PCDH15: variants seen among roughly 807,000 people sequenced by gnomAD.
PCDH15 encodes protocadherin-15.
Under a neutral mutation model 178.5 loss-of-function variants are expected in PCDH15, and 129 were observed. The ratio of observed to expected loss-of-function variants is 0.72; its 90% CI spans 0.63 to 0.84. PCDH15 has a LOEUF of 0.84. Ranked by LOEUF, PCDH15 falls within the 40% of genes least tolerant of loss-of-function variation. The probability of loss-of-function intolerance (pLI) is 0.00; values close to 1 mark genes in which losing one functional copy is unlikely to be tolerated. For synonymous variants in PCDH15, 800 were observed against 732.0 expected, an observed-to-expected ratio of 1.09 and a Z score of -1.50; for missense variants, 2,230 against 2,099.9, an observed-to-expected ratio of 1.06 and a Z score of -1.21.
Position 55,080,383 on chromosome 10 carries a change from C to A in PCDH15, c.-80+86193G>T, listed in dbSNP as rs1187797768. Among the ~76,000 whole-genome samples, 11 of 152,156 alleles carry A rather than the reference C, an allele frequency of 7.2e-5. No individual in the cohort carries two copies. The East Asian group carries it at 2.1e-3, about 30-fold the overall frequency. On this transcript the variant is annotated intron_variant, in intron 2 of 5. Transcript: ENST00000458638. ...ACCCCTTATGAGAATCTAACTAATG[C>A]CTGATGATCTGAGGTGGAAGAGTTT...
chr10:55,259,428 T>C (rs117782951), intron 1 of PCDH15, among the ~76,000 whole-genome samples: 2,970 of 152,274 alleles, frequency 0.02, 40 homozygotes, highest in Non-Finnish European at 0.032. Context: ...CAGGGAGTGG[T>C]TAACTATGCC....
At chr10:54,368,411 C>G (rs1947125640) in intron 5 of PCDH15, among the ~76,000 whole-genome samples, 1 of 151,620 alleles carries the variant, frequency 6.6e-6, no homozygotes, top group South Asian at 2.1e-4. Context: ...CTAACATACA[C>G]ATAATAGGTC....
intron 2 of PCDH15, among the ~76,000 whole-genome samples, chr10:54,626,640 G>C (rs4935527): frequency 0.51 from 77,338 of 152,032 alleles, 20,808 homozygotes; most frequent in Non-Finnish European, 0.6. Context: ...CCAGGCAGAA[G>C]TTTGCTGCAG....
chr10:55,146,066 AG>A (rs1838501635), intron 2 of PCDH15, among the ~76,000 whole-genome samples: 1 of 151,934 alleles, frequency 6.6e-6, no homozygotes. Context: ...CAGCTGATAG[AG>A]TAGGTTTTAC....
At chr10:54,846,935 T>C (rs767429419) in intron 3 of PCDH15, among the ~76,000 whole-genome samples, 1 of 152,220 alleles carries the variant, frequency 6.6e-6, no homozygotes, top group African/African-American at 2.4e-5. Flanking sequence ...GCACGTGTTG[T>C]ACATTACTTC....
intron 3 of PCDH15, among the ~76,000 whole-genome samples, chr10:54,891,742 A>T (rs1954465938): frequency 6.6e-6 from 1 of 152,150 alleles, no homozygotes; most frequent in African/African-American, 2.4e-5. Flanking sequence ...TTAGCAGAGA[A>T]TTTAGCTAAT....
chr10:55,227,508 G>C (rs560387120), intron 1 of PCDH15, among the ~76,000 whole-genome samples: 2 of 148,418 alleles, frequency 1.3e-5, no homozygotes, highest in African/African-American at 5.0e-5. Context: ...AGGCTTAGAG[G>C]GTAGTCAGCA....
intron 3 of PCDH15, among the ~76,000 whole-genome samples, chr10:54,853,142 C>A (rs1248096841): frequency 6.6e-6 from 1 of 150,538 alleles, no homozygotes; most frequent in Non-Finnish European, 1.5e-5. Flanking sequence ...TGCCTGTAAT[C>A]CCCGCTACTT....
At chr10:55,173,148 C>A (rs1198533250) in intron 1 of PCDH15, among the ~76,000 whole-genome samples, 1 of 151,504 alleles carries the variant, frequency 6.6e-6, no homozygotes, top group Non-Finnish European at 1.5e-5. Context: ...AAAAAAAACA[C>A]TTTAGAATTC....
chr10:55,248,207 T>TAC (rs1286906078), intron 1 of PCDH15, among the ~76,000 whole-genome samples: 2 of 151,388 alleles, frequency 1.3e-5, no homozygotes, highest in East Asian at 3.9e-4. Context: ...CATATATATA[T>TAC]ACACACACAA....
intron 2 of PCDH15, among the ~76,000 whole-genome samples, chr10:54,629,540 C>T (rs139648648): frequency 4.5e-4 from 68 of 152,124 alleles, no homozygotes; most frequent in Middle Eastern, 6.8e-3. Context: ...TCATAAAATT[C>T]GACATCTCTT....
intron 1 of PCDH15, among the ~76,000 whole-genome samples, chr10:55,208,169 G>T (rs1316149090): frequency 6.6e-6 from 1 of 152,076 alleles, no homozygotes; most frequent in Non-Finnish European, 1.5e-5. Flanking sequence ...AAAGTGTATG[G>T]AGAAATCTTT....
chr10:54,133,485 T>A (rs1242137957), intron 14 of PCDH15, among the ~76,000 whole-genome samples: 1 of 152,178 alleles, frequency 6.6e-6, no homozygotes, highest in Non-Finnish European at 1.5e-5. Flanking sequence ...TGGCTTAATG[T>A]AAGTGCATGT....
At chr10:55,388,007 T>C (rs1233364870) in intron 2 of PCDH15, among the ~76,000 whole-genome samples, 4 of 152,098 alleles carry the variant, frequency 2.6e-5, no homozygotes, top group African/African-American at 9.7e-5. Context: ...AATATTTGAT[T>C]ACAAAATGAA....
At chr10:54,098,297 C>T (rs1205418340) in intron 15 of PCDH15, among the ~76,000 whole-genome samples, 1 of 151,432 alleles carries the variant, frequency 6.6e-6, no homozygotes, top group East Asian at 1.9e-4. Flanking sequence ...TGTTAGGGAA[C>T]AGTTTGTTCT....
intron 3 of PCDH15, among the ~76,000 whole-genome samples, chr10:54,882,603 T>G (rs966714814): frequency 1.3e-5 from 2 of 152,066 alleles, no homozygotes; most frequent in Non-Finnish European, 2.9e-5. Context: ...TAATAATATG[T>G]TATATTTATA....
chr10:54,829,502 G>C (rs540578244), intron 3 of PCDH15, among the ~76,000 whole-genome samples: 1 of 152,060 alleles, frequency 6.6e-6, no homozygotes, highest in Non-Finnish European at 1.5e-5. Context: ...CACTTATCCT[G>C]GTTATTCAGT....
chr10:54,380,690 CATATATATATGCTCCATAT>C (rs1565131886), intron 3 of PCDH15, among the ~76,000 whole-genome samples: 7 of 45,498 alleles, frequency 1.5e-4, no homozygotes, highest in African/African-American at 5.6e-4. Flanking sequence ...ATATATGCTC[CATATATATATGCTCCATAT>C]ATATATATAT....
chr10:55,116,034 C>A (rs16906962), intron 2 of PCDH15, among the ~76,000 whole-genome samples: 1,605 of 152,156 alleles, frequency 0.011, 23 homozygotes, highest in Middle Eastern at 0.037. Flanking sequence ...AATACCCCGA[C>A]CTTTACCCTA....
Sources: allele counts gnomAD v4.1 joint callset (sites outside exome capture counted in the v4.1 genomes callset), GRCh38; gene constraint gnomAD v4.1.1; transcripts MANE v1.5; gene names NCBI Gene and HGNC (gene_info 2026-07-23, HGNC 2026-07-21).